Variants in ISCA1 observed in about 807,000 individuals in gnomAD.
ISCA1 encodes iron-sulfur cluster assembly 1 homolog, mitochondrial.
ISCA1 carries 9 observed loss-of-function variants against 14.7 expected under a neutral mutation model. The observed-to-expected ratio is 0.61, with a 90% CI of 0.37 to 1.07. The LOEUF (loss-of-function observed/expected upper bound fraction) is 1.07, where lower values mean the gene tolerates loss of function less well. Ranked by LOEUF, ISCA1 falls within the 50% of genes least tolerant of loss-of-function variation. The pLI is 0.01. For missense variants in ISCA1, 102 were observed against 150.1 expected, an observed-to-expected ratio of 0.68 and a Z score of 1.67; for synonymous variants, 38 against 54.3, an observed-to-expected ratio of 0.70 and a Z score of 1.32.
chr9:86,274,232 G>T lies in ISCA1; in HGVS notation c.92C>A (p.Ala31Glu). 1.3e-6 allele frequency: 2 copies of T among 1,589,318 alleles called. No individual in the cohort carries two copies. Among genetic ancestry groups the T allele is most frequent in the Non-Finnish European group, 8.6e-7 (1 of 1,158,072 alleles). The change falls in exon 2 of 4, where the codon GCA becomes GAA. Residue 31 changes from alanine (A) to glutamate (E), a missense_variant. Ala to Glu is a moderately radical substitution (Grantham distance 107). Transcript: ENST00000375991. ...AAGAAGTTGTTTTATCTTGTTTACT[G>T]CTGAAGGTGTCTGAAAAAAGAAAAT... Reference protein sequence around the residue: ...TRAALTLTPSAVNKIKQLLKD... With the variant: ...TRAALTLTPSEVNKIKQLLKD...
At chr9:86,269,064 G>C (rs919537052) in intron 3 of ISCA1, among the ~76,000 whole-genome samples, 4 of 152,102 alleles carry the variant, frequency 2.6e-5, no homozygotes, top group Admixed American at 6.5e-5. Context: ...AAAGTGCTGG[G>C]ATTACACAGG....
chr9:86,282,154 G>C lies in ISCA1; in HGVS notation c.81+224C>G, dbSNP rs887464168. The C allele has an allele frequency of 3.2e-5, 18 of 562,470 alleles. No individual in the cohort carries two copies. In the African/African-American group the frequency reaches 3.4e-4, roughly 11 times the overall value. The allele number at this position is 562,470 out of a possible 1,614,324, so 34.8% of individuals were successfully genotyped here. A position where few individuals can be genotyped will look rare whatever the true frequency, so the allele number is the denominator to read the frequency against. ...GTTGCCGCGCGGCCTGACGGGAAAC[G>C]TAGTTTCCGGGGCCAAGAGAGCAGC... is the stretch of plus-strand genomic sequence containing the variant. On this transcript the variant is annotated intron_variant, in intron 1 of 3. Transcript: ENST00000375991.
chr9:86,269,085 C>T (rs1007693280), intron 3 of ISCA1, among the ~76,000 whole-genome samples: 20 of 152,126 alleles, frequency 1.3e-4, no homozygotes, highest in Admixed American at 1.3e-3. Flanking sequence ...TGAGCCACCA[C>T]GCCTGGCCAG....
At chr9:86,281,299 C>A (rs1825513396) in intron 1 of ISCA1, among the ~76,000 whole-genome samples, 1 of 152,306 alleles carries the variant, frequency 6.6e-6, no homozygotes, top group Non-Finnish European at 1.5e-5. Context: ...AAAATAAATT[C>A]TCTCACCTGA....
intron 1 of ISCA1, among the ~76,000 whole-genome samples, chr9:86,274,819 C>A (rs1334438074): frequency 1.3e-5 from 2 of 152,182 alleles, no homozygotes; most frequent in South Asian, 2.1e-4. Context: ...TTTTTTTCAA[C>A]GTGGATTAAA....
In ISCA1 at chr9:86,270,083, T is replaced by C. The variant is rs1348288186; in HGVS notation, c.241+1924A>G. On this transcript the variant is annotated intron_variant, in intron 3 of 3. Transcript: ENST00000375991. ...AAAGCAATGGCAACAGAAGCCAAAA[T>C]TGACAAATGGGATCTAATTAAACTA... Among the ~76,000 whole-genome samples, 53 of 150,860 alleles carry C rather than the reference T, an allele frequency of 3.5e-4. No individual in the cohort carries two copies. The East Asian group carries it at 9.0e-3, about 26-fold the overall frequency.
intron 1 of ISCA1, among the ~76,000 whole-genome samples, chr9:86,281,165 C>T (rs1041529650): frequency 2.6e-5 from 4 of 152,020 alleles, no homozygotes; most frequent in African/African-American, 9.7e-5. Flanking sequence ...ATTCTACATC[C>T]CACGGTGTAT....
chr9:86,267,140 G>T, intron 3 of ISCA1: 1 of 178,242 alleles, frequency 5.6e-6, no homozygotes, highest in Non-Finnish European at 1.1e-5. Flanking sequence ...TGGGAGGACT[G>T]CTTGAGCCCG....
At position 86,272,004 on chromosome 9, in the gene ISCA1, C is replaced by T; in HGVS notation, c.241+3G>A. ...GCCCAAAAAATGTTTGTTAAAAACTCACCATCTTGAATAACTTCTTCATCA... is the reference window on the plus strand; with the variant it reads ...GCCCAAAAAATGTTTGTTAAAAACTTACCATCTTGAATAACTTCTTCATCA... On this transcript the variant is annotated splice_donor_region_variant and intron_variant, in intron 3 of 3. Transcript: ENST00000375991. The T allele has an allele frequency of 1.3e-6, 2 of 1,549,144 alleles. No homozygotes were observed. Among genetic ancestry groups the T allele is most frequent in the Admixed American group, 1.7e-5 (1 of 58,968 alleles).
chr9:86,281,644 C>T (rs940388765), intron 1 of ISCA1, among the ~76,000 whole-genome samples: 44 of 152,316 alleles, frequency 2.9e-4, no homozygotes, highest in African/African-American at 9.6e-4. Context: ...ACGGTGCGGC[C>T]GGAACACTGA....
At chr9:86,282,162 C>CG (rs35527276) in intron 1 of ISCA1, 7 of 574,052 alleles carry the variant, frequency 1.2e-5, no homozygotes, top group African/African-American at 2.0e-5. Context: ...ACGTAGTTTC[C>CG]GGGGCCAAGA....
At chr9:86,275,502 T>TTA (rs1331614926) in intron 1 of ISCA1, among the ~76,000 whole-genome samples, 1 of 152,192 alleles carries the variant, frequency 6.6e-6, no homozygotes, top group Non-Finnish European at 1.5e-5. Flanking sequence ...ATGAGCATGC[T>TTA]TAAACACAGT....
intron 3 of ISCA1, among the ~76,000 whole-genome samples, chr9:86,269,150 G>C (rs1379068354): frequency 6.6e-6 from 1 of 152,106 alleles, no homozygotes; most frequent in East Asian, 1.9e-4. Context: ...TCAGTCTCCT[G>C]AGTAGCTGGG....
At chr9:86,279,485 CTG>C (rs1281090386) in intron 1 of ISCA1, among the ~76,000 whole-genome samples, 4 of 152,212 alleles carry the variant, frequency 2.6e-5, no homozygotes, top group African/African-American at 9.6e-5. Context: ...CAGCATTGAA[CTG>C]TGTTATATTA....
intron 3 of ISCA1, chr9:86,267,576 AT>A: frequency 2.2e-6 from 2 of 890,310 alleles, no homozygotes; most frequent in Non-Finnish European, 2.7e-6. Flanking sequence ...AATATAATTA[AT>A]TTTAATTATA....
chr9:86,272,512 A>G (rs1017619005), intron 2 of ISCA1, among the ~76,000 whole-genome samples: 5 of 152,368 alleles, frequency 3.3e-5, no homozygotes, highest in African/African-American at 1.2e-4. Context: ...CAAATACCAG[A>G]AAGCAAAAGA....
intron 3 of ISCA1, among the ~76,000 whole-genome samples, chr9:86,271,159 C>G (rs945446551): frequency 6.6e-6 from 1 of 152,090 alleles, no homozygotes; most frequent in South Asian, 2.1e-4. Context: ...TACACAAATA[C>G]TTACCATTGT....
rs909546852 is a variant in ISCA1, at chr9:86,271,953, G to A, written c.241+54C>T. On this transcript the variant is annotated intron_variant, in intron 3 of 3. Coordinates refer to ENST00000375991, the MANE Select transcript of ISCA1 (RefSeq NM_030940.4). ...TATTTTTTACTTTGTGCTGTGCAAG[G>A]CTAATAATTTTAGGCAAAACAATGT... The A allele has an allele frequency of 5.4e-6, 5 of 932,838 alleles. No individual in the cohort carries two copies. In the Admixed American group the frequency reaches 7.3e-5, roughly 14 times the overall value. 57.8% of individuals were successfully genotyped at this position (932,838 alleles called of 1,614,324 possible).
rs1232162326 is a variant in ISCA1, at chr9:86,272,003, T to G, written c.241+4A>C. The G allele has an allele frequency of 6.5e-7, 1 of 1,546,038 alleles. No individual in the cohort carries two copies. On this transcript the variant is annotated splice_donor_region_variant and intron_variant, in intron 3 of 3. Transcript: ENST00000375991. ...TGCCCAAAAAATGTTTGTTAAAAAC[T>G]CACCATCTTGAATAACTTCTTCATC...
Sources: gnomAD v4.1 joint callset for allele counts (sites outside exome capture counted in the v4.1 genomes callset) on GRCh38, gnomAD v4.1.1 for gene constraint, MANE v1.5 for transcripts, NCBI Gene and HGNC (gene_info 2026-07-23, HGNC 2026-07-21) for gene names.